RIMKLB: variants seen among roughly 807,000 people sequenced by gnomAD.
The protein encoded by RIMKLB is beta-citrylglutamate synthase B.
In RIMKLB, 7 loss-of-function variants were observed where a neutral mutation model predicts 32.0. The ratio of observed to expected loss-of-function variants is 0.22; its 90% CI spans 0.12 to 0.41. RIMKLB has a LOEUF of 0.41. RIMKLB is among the 10% of genes least tolerant of loss of function. The pLI is 1.00. For synonymous variants in RIMKLB, 172 were observed against 185.1 expected, an observed-to-expected ratio of 0.93 and a Z score of 0.57; for missense variants, 289 against 498.7, an observed-to-expected ratio of 0.58 and a Z score of 4.00.
chr12:8,672,437 C>T, the RIMKLB span, among the ~76,000 whole-genome samples: 27 of 152,242 alleles, frequency 1.8e-4, 1 homozygote, highest in Middle Eastern at 0.014. Flanking sequence ...TTTAATTGAA[C>T]TTACAGTTTC....
chr12:8,747,150 G>A (rs1948173884), intron 2 of RIMKLB, among the ~76,000 whole-genome samples: 1 of 151,994 alleles, frequency 6.6e-6, no homozygotes, highest in South Asian at 2.1e-4. Context: ...TTGAAAGATG[G>A]GATGGCATGG....
At chr12:8,682,745 C>T (rs1324443895) in intron 1 of RIMKLB, among the ~76,000 whole-genome samples, 1 of 141,848 alleles carries the variant, frequency 7.0e-6, no homozygotes, top group Non-Finnish European at 1.5e-5. Flanking sequence ...GCAGCCCCGC[C>T]GGGGGGGAGG....
At chr12:8,714,832 A>G (rs916582334) in intron 2 of RIMKLB, among the ~76,000 whole-genome samples, 1 of 152,198 alleles carries the variant, frequency 6.6e-6, no homozygotes, top group Non-Finnish European at 1.5e-5. Flanking sequence ...TTCAGAAAAT[A>G]CTTCATAATT....
chr12:8,718,651 C>CTA (rs1333969603), intron 2 of RIMKLB, among the ~76,000 whole-genome samples: 141 of 98,440 alleles, frequency 1.4e-3, no homozygotes, highest in African/African-American at 5.3e-3. Flanking sequence ...CTCTCTCTCT[C>CTA]TCTATATATA....
At chr12:8,673,922 C>T in the RIMKLB span, among the ~76,000 whole-genome samples, 26 of 152,044 alleles carry the variant, frequency 1.7e-4, no homozygotes, top group African/African-American at 6.0e-4. Context: ...ACAGCACAAT[C>T]ATGGGTTGAG....
chr12:8,745,317 G>A (rs1947976894), intron 2 of RIMKLB, among the ~76,000 whole-genome samples: 1 of 151,384 alleles, frequency 6.6e-6, no homozygotes, highest in South Asian at 2.1e-4. Flanking sequence ...CTCTTATTGA[G>A]GTCCTAGGTG....
At chr12:8,729,120 G>T (rs1174532245) in intron 2 of RIMKLB, among the ~76,000 whole-genome samples, 1 of 152,156 alleles carries the variant, frequency 6.6e-6, no homozygotes, top group Non-Finnish European at 1.5e-5. Context: ...AAGCCCCAAA[G>T]GAAGTGTTAC....
At chr12:8,699,679 C>T (rs758733110) in intron 1 of RIMKLB, 1 of 152,200 alleles carries the variant, frequency 6.6e-6, no homozygotes, top group East Asian at 1.9e-4. Flanking sequence ...TAATTTCCTT[C>T]TTTCATGTCA....
In RIMKLB at chr12:8,782,761, C is replaced by G. The variant is rs753915687; in HGVS notation, c.*298-151C>G. Among the ~76,000 whole-genome samples the G allele has an allele frequency of 2.5e-3, 383 of 152,148 alleles. 4 individuals are homozygous for G. The highest frequency in any genetic ancestry group is 8.9e-3 in the African/African-American group (370 of 41,520). Reference sequence around the variant, plus strand: ...GCTCACCAAGACAAAGTGATAATAACACAAAACTGTGGTTTTTGGTAGTCT... The same window carrying G: ...GCTCACCAAGACAAAGTGATAATAAGACAAAACTGTGGTTTTTGGTAGTCT... On this transcript the variant is annotated intron_variant, in intron 7 of 7. Coordinates refer to the RIMKLB transcript ENST00000619374.
chr12:8,686,330 T>C (rs1345373107), intron 1 of RIMKLB, among the ~76,000 whole-genome samples: 5 of 151,374 alleles, frequency 3.3e-5, no homozygotes, highest in Non-Finnish European at 7.4e-5. Context: ...AGTCTCACTC[T>C]GTCACCCAGG....
chr12:8,729,361 G>A (rs1447910734), intron 2 of RIMKLB, among the ~76,000 whole-genome samples: 2 of 151,926 alleles, frequency 1.3e-5, no homozygotes, highest in African/African-American at 2.4e-5. Flanking sequence ...GAGCGGGAAG[G>A]TAATCTTCCC....
intron 2 of RIMKLB, among the ~76,000 whole-genome samples, chr12:8,717,067 T>C (rs1258067912): frequency 7.3e-5 from 11 of 150,124 alleles, no homozygotes; most frequent in Admixed American, 4.0e-4. Flanking sequence ...CTTTTTTTTT[T>C]TTCTTTTTTT....
At chr12:8,711,228 C>T (rs1944348817) in intron 1 of RIMKLB, among the ~76,000 whole-genome samples, 1 of 147,862 alleles carries the variant, frequency 6.8e-6, no homozygotes, top group African/African-American at 2.6e-5. Flanking sequence ...AGCAAGACTC[C>T]ATCTCAAGGA....
chr12:8,746,936 A>C (rs1048129321), intron 2 of RIMKLB, among the ~76,000 whole-genome samples: 2 of 152,080 alleles, frequency 1.3e-5, no homozygotes, highest in African/African-American at 4.8e-5. Context: ...AGAGACGTGG[A>C]TCTCATGTTG....
chr12:8,685,418 C>T (rs1320532619), intron 1 of RIMKLB, among the ~76,000 whole-genome samples: 2 of 152,180 alleles, frequency 1.3e-5, no homozygotes, highest in Non-Finnish European at 2.9e-5. Flanking sequence ...TGGATTTTGT[C>T]ACATGCTCGT....
Position 8,715,230 on chromosome 12 carries a change from T to C in RIMKLB, c.175+1189T>C, listed in dbSNP as rs530915996. On this transcript the variant is annotated intron_variant, in intron 2 of 5. Coordinates refer to ENST00000535829, the MANE Select transcript of RIMKLB (RefSeq NM_001297776.2). ...TTAAATGGATAAGTGCTCTTGTTCT[T>C]TTTTTTTTTTTTTTTTGGAGACAGG... is the stretch of plus-strand genomic sequence containing the variant. Among the ~76,000 whole-genome samples the C allele has an allele frequency of 2.2e-3, 322 of 144,198 alleles. 17 individuals are homozygous for C. In the South Asian group the frequency reaches 0.068, roughly 30 times the overall value. 94.6% of individuals were successfully genotyped at this position (144,198 alleles called of 152,430 possible).
chr12:8,770,142 T>C (rs1361579862), intron 5 of RIMKLB, among the ~76,000 whole-genome samples: 1 of 152,176 alleles, frequency 6.6e-6, no homozygotes, highest in Admixed American at 6.5e-5. Context: ...TTTGTATTTT[T>C]AGTAGAGACG....
chr12:8,693,385 TTTTC>T (rs765581504), upstream of RIMKLB, among the ~76,000 whole-genome samples: 119 of 150,258 alleles, frequency 7.9e-4, 1 homozygote, highest in Admixed American at 1.8e-3. Context: ...TTTGTTTTCT[TTTTC>T]TTTCTTTCTT....
intron 2 of RIMKLB, among the ~76,000 whole-genome samples, chr12:8,717,684 T>C (rs1944998192): frequency 6.6e-6 from 1 of 152,236 alleles, no homozygotes; most frequent in South Asian, 2.1e-4. Context: ...TTACTACTGC[T>C]AATGAAATCA....
Sources: gnomAD v4.1 joint callset for allele counts (sites outside exome capture counted in the v4.1 genomes callset) on GRCh38, gnomAD v4.1.1 for gene constraint, MANE v1.5 for transcripts, NCBI Gene and HGNC (gene_info 2026-07-23, HGNC 2026-07-21) for gene names.